Variants in LTBP1 observed in about 807,000 individuals in gnomAD.
LTBP1 encodes latent-transforming growth factor beta-binding protein 1.
Under a neutral mutation model 207.6 loss-of-function variants are expected in LTBP1, and 129 were observed. The ratio of observed to expected loss-of-function variants is 0.62; its 90% confidence interval spans 0.54 to 0.72. The LOEUF is 0.72. Among genes scored for constraint, LTBP1 ranks in the 30% least tolerant of loss-of-function variants. The pLI, the probability that LTBP1 is intolerant of heterozygous loss-of-function variation, is 0.00. For missense variants in LTBP1, 2,281 were observed against 2,217.2 expected, an observed-to-expected ratio of 1.03 and a Z score of -0.58; for synonymous variants, 963 against 833.7, an observed-to-expected ratio of 1.16 and a Z score of -2.67.
intron 4 of LTBP1, among the ~76,000 whole-genome samples, chr2:33,123,287 G>T (rs988167115): frequency 5.3e-5 from 8 of 152,106 alleles, no homozygotes; most frequent in Non-Finnish European, 1.0e-4. Context: ...GGGGATTCTT[G>T]CCCACATGGA....
rs367575248 is a variant in LTBP1 at position 33,206,738 on chromosome 2, CAAA to C, written c.1702-10800_1702-10798del. On this transcript the variant is annotated intron_variant, in intron 7 of 33. Transcript: ENST00000404816. ...TGGGCGACAGAGCAAGACTCCATTTCAAAAAAAAAAAAAAAAGAAAAATTGGAG... is the reference window on the plus strand; with the variant it reads ...TGGGCGACAGAGCAAGACTCCATTTCAAAAAAAAAAAAAGAAAAATTGGAG... Among the ~76,000 whole-genome samples, 48 of 91,094 alleles carry C rather than the reference CAAA, an allele frequency of 5.3e-4. No individual in the cohort carries two copies. The East Asian group carries it at 0.014, about 26-fold the overall frequency. The allele number at this position is 91,094 out of a possible 152,430, so 59.8% of individuals were successfully genotyped here.
intron 3 of LTBP1, among the ~76,000 whole-genome samples, chr2:33,087,961 A>G (rs1432181287): frequency 6.6e-6 from 1 of 152,196 alleles, no homozygotes; most frequent in Non-Finnish European, 1.5e-5. Flanking sequence ...CACAGGAAAA[A>G]ATTCTATTAC....
intron 22 of LTBP1, among the ~76,000 whole-genome samples, chr2:33,303,842 G>A (rs753911230): frequency 4.6e-5 from 7 of 152,144 alleles, no homozygotes; most frequent in African/African-American, 7.2e-5. Flanking sequence ...CCACGGACCC[G>A]TACCGGTCCA....
chr2:33,074,869 CAAAAAAAA>C (rs36211816), intron 3 of LTBP1, among the ~76,000 whole-genome samples: 10 of 131,950 alleles, frequency 7.6e-5, no homozygotes, highest in African/African-American at 3.4e-4. Context: ...GACTCCATCT[CAAAAAAAA>C]AAAAAAAAAA....
At chr2:33,198,174 G>C (rs1021222260) in intron 7 of LTBP1, among the ~76,000 whole-genome samples, 42 of 152,102 alleles carry the variant, frequency 2.8e-4, no homozygotes, top group African/African-American at 9.9e-4. Context: ...TTTTGTCTTT[G>C]GTTCTGTTTA....
chr2:33,039,297 G>T (rs1292595642), intron 3 of LTBP1, among the ~76,000 whole-genome samples: 1 of 149,762 alleles, frequency 6.7e-6, no homozygotes, highest in South Asian at 2.1e-4. Flanking sequence ...CATCTGACAG[G>T]AGAAAAAAAA....
intron 3 of LTBP1, among the ~76,000 whole-genome samples, chr2:33,081,078 G>C (rs1244778810): frequency 1.3e-5 from 2 of 152,084 alleles, no homozygotes; most frequent in Non-Finnish European, 2.9e-5. Context: ...GTGGAAGTAT[G>C]ATTGGACAAA....
intron 5 of LTBP1, among the ~76,000 whole-genome samples, chr2:33,145,395 A>G (rs539676726): frequency 2.6e-5 from 4 of 152,212 alleles, no homozygotes; most frequent in African/African-American, 9.6e-5. Flanking sequence ...TAGTGTAGAG[A>G]TTCAGCCCAA....
chr2:33,254,704 G>A (rs375758888), intron 11 of LTBP1, among the ~76,000 whole-genome samples: 16 of 144,876 alleles, frequency 1.1e-4, no homozygotes, highest in Admixed American at 4.1e-4. Context: ...CCATTAACTC[G>A]TCATTTAACA....
chr2:33,124,436 G>A (rs537170528), intron 4 of LTBP1, among the ~76,000 whole-genome samples: 7 of 152,128 alleles, frequency 4.6e-5, no homozygotes, highest in South Asian at 2.1e-4. Context: ...TTCAAATGCA[G>A]AGTAAACCTT....
At chr2:33,365,772 T>G (rs1026447319) in intron 31 of LTBP1, among the ~76,000 whole-genome samples, 1 of 152,116 alleles carries the variant, frequency 6.6e-6, no homozygotes, top group East Asian at 1.9e-4. Flanking sequence ...AAACATAACT[T>G]AGCAATCAGT....
chr2:33,319,691 G>A (rs1357655956), intron 24 of LTBP1, among the ~76,000 whole-genome samples: 1 of 152,032 alleles, frequency 6.6e-6, no homozygotes, highest in Non-Finnish European at 1.5e-5. Context: ...GTGGAGTCCG[G>A]CACACCCCCC....
chr2:33,276,624 G>A (rs542937435), intron 18 of LTBP1, among the ~76,000 whole-genome samples: 41 of 152,308 alleles, frequency 2.7e-4, no homozygotes, highest in African/African-American at 9.6e-4. Context: ...GTTGAAGCGG[G>A]TGGATCACTT....
At chr2:33,104,935 T>G (rs2079971541) in intron 3 of LTBP1, among the ~76,000 whole-genome samples, 1 of 152,196 alleles carries the variant, frequency 6.6e-6, no homozygotes, top group African/African-American at 2.4e-5. Context: ...ATCCTTCCAG[T>G]GGGCTTGAAA....
intron 2 of LTBP1, among the ~76,000 whole-genome samples, chr2:33,007,969 A>G (rs1386577103): frequency 6.6e-6 from 1 of 152,240 alleles, no homozygotes; most frequent in African/African-American, 2.4e-5. Context: ...GTCTGGCTTC[A>G]GTGGACTCTG....
At chr2:33,387,819 G>A (rs1001860454) in intron 31 of LTBP1, among the ~76,000 whole-genome samples, 9 of 151,406 alleles carry the variant, frequency 5.9e-5, no homozygotes, top group African/African-American at 2.2e-4. Context: ...CGCGACAATA[G>A]AGGAAAATTC....
chr2:33,070,474 G>A lies in LTBP1; in HGVS notation c.864-40108G>A, dbSNP rs891855796. On this transcript the variant is annotated intron_variant, in intron 3 of 33. Transcript: ENST00000404816. ...CTGTGGCTGGGATTTGCTTAAAGAA[G>A]TCCTTTAAGTTTCTTAAGTAATGTC... 3.9e-5 allele frequency among the ~76,000 whole-genome samples: 6 copies of A among 152,180 alleles called. No homozygotes were observed. The South Asian group carries it at 6.2e-4, about 16-fold the overall frequency.
At chr2:33,267,608 T>C (rs2093215833) in intron 15 of LTBP1, among the ~76,000 whole-genome samples, 1 of 152,182 alleles carries the variant, frequency 6.6e-6, no homozygotes, top group Non-Finnish European at 1.5e-5. Flanking sequence ...TATAGTAATG[T>C]TAAAAAGAAA....
chr2:33,182,643 C>T (rs796802992), intron 5 of LTBP1, among the ~76,000 whole-genome samples: 15 of 130,534 alleles, frequency 1.1e-4, no homozygotes, highest in African/African-American at 4.3e-4. Flanking sequence ...GCCTGGGTGA[C>T]AGAGTGAGAC....
Sources: allele counts gnomAD v4.1 joint callset (sites outside exome capture counted in the v4.1 genomes callset), GRCh38; gene constraint gnomAD v4.1.1; transcripts MANE v1.5; gene names NCBI Gene and HGNC (gene_info 2026-07-23, HGNC 2026-07-21).